PPFIBP2: variants seen among roughly 807,000 people sequenced by gnomAD.
PPFIBP2 encodes the protein liprin-beta-2.
A neutral mutation model predicts 118.3 loss-of-function variants in PPFIBP2; 118 were observed. The observed-to-expected ratio is 1.00, with a 90% CI of 0.86 to 1.16. The LOEUF (loss-of-function observed/expected upper bound fraction) is 1.16. Among genes scored for constraint, PPFIBP2 ranks in the 50% most tolerant of loss-of-function variants. The probability of loss-of-function intolerance (pLI) is 0.00; values close to 1 mark genes in which losing one functional copy is unlikely to be tolerated. For synonymous variants in PPFIBP2, 414 were observed against 397.4 expected (o/e 1.04, Z -0.50); for missense variants, 1,195 against 1,073.1 (o/e 1.11, Z -1.59).
chr11:7,586,183 T>A (rs1005421237), intron 3 of PPFIBP2, among the ~76,000 whole-genome samples: 23 of 152,164 alleles, frequency 1.5e-4, no homozygotes, highest in African/African-American at 5.1e-4. Flanking sequence ...CCTGAAAGTA[T>A]TTTGGTTATT....
chr11:7,564,937 C>T (rs1854784454), intron 2 of PPFIBP2, among the ~76,000 whole-genome samples: 1 of 152,184 alleles, frequency 6.6e-6, no homozygotes, highest in Admixed American at 6.5e-5. Flanking sequence ...CAAGATCCAT[C>T]CCTTTATCAG....
intron 7 of PPFIBP2, 73 bp from the exon 8 acceptor site, chr11:7,625,704 C>T (rs1367138756): frequency 2.4e-6 from 3 of 1,258,750 alleles, no homozygotes; most frequent in African/African-American, 1.5e-5. Context: ...GGGGTCTGGA[C>T]TCTGACGGGA....
chr11:7,592,958 G>T (rs1859609917), intron 3 of PPFIBP2, among the ~76,000 whole-genome samples, 174 bp from the exon 4 acceptor site: 1 of 152,180 alleles, frequency 6.6e-6, no homozygotes, highest in Admixed American at 6.5e-5. Flanking sequence ...ATGTGATCTG[G>T]TTCTCCTCAT....
intron 3 of PPFIBP2, chr11:7,571,967 C>T (rs1855701916): frequency 6.6e-6 from 1 of 152,168 alleles, no homozygotes. Flanking sequence ...AACATAAGCA[C>T]CTCTCATTAT....
At chr11:7,641,682 G>A in intron 16 of PPFIBP2, 62 bp downstream of exon 16, 1 of 1,530,328 alleles carries the variant, frequency 6.5e-7, no homozygotes, top group South Asian at 1.2e-5. Flanking sequence ...ATTGGGCAAA[G>A]AGTCTATGTA....
rs953460862 is a variant in PPFIBP2 at position 7,605,855 on chromosome 11, C to T, written c.487-4436C>T. 100 of 1,444,824 alleles carry T rather than the reference C, an allele frequency of 6.9e-5. No individual in the cohort carries two copies. In the African/African-American group the frequency reaches 9.5e-4, roughly 14 times the overall value. 89.5% of individuals were successfully genotyped at this position (1,444,824 alleles called of 1,614,324 possible). On this transcript the variant is annotated intron_variant, in intron 5 of 23. Transcript: ENST00000299492. The stretch of plus-strand genomic sequence containing the variant: ...GCAAAGCAAACACATTCTGGATACA[C>T]GTGAGATCCAAGTGGTGACTGTGCT...
At chr11:7,550,388 G>C (rs1852837548) in intron 2 of PPFIBP2, among the ~76,000 whole-genome samples, 1 of 152,196 alleles carries the variant, frequency 6.6e-6, no homozygotes, top group Non-Finnish European at 1.5e-5. Context: ...CAGAGTACCT[G>C]ACACTGCCCT....
intron 2 of PPFIBP2, among the ~76,000 whole-genome samples, chr11:7,554,426 TAA>T (rs1056665495): frequency 3.3e-5 from 5 of 152,264 alleles, no homozygotes; most frequent in African/African-American, 9.6e-5. Context: ...AAACTCCTTC[TAA>T]AAAGAGTGCA....
intron 10 of PPFIBP2, among the ~76,000 whole-genome samples, chr11:7,629,754 T>C (rs778927295): frequency 1.4e-4 from 21 of 152,214 alleles, no homozygotes; most frequent in Non-Finnish European, 2.4e-4. Flanking sequence ...CTTCAGGGAC[T>C]ATCCAGATCA....
At chr11:7,563,971 C>T (rs1315843259) in intron 2 of PPFIBP2, among the ~76,000 whole-genome samples, 1 of 152,092 alleles carries the variant, frequency 6.6e-6, no homozygotes, top group East Asian at 1.9e-4. Flanking sequence ...TGAGACCATC[C>T]TGGCTAACAC....
Position 7,649,133 on chromosome 11 carries a change from T to C in PPFIBP2, c.1910-14T>C. The C allele has an allele frequency of 1.2e-6, 2 of 1,611,036 alleles. No homozygotes were observed. Among genetic ancestry groups the C allele is most frequent in the South Asian group, 2.2e-5 (2 of 90,488 alleles). On this transcript the variant is annotated splice_polypyrimidine_tract_variant and intron_variant, in intron 19 of 23. Transcript: ENST00000299492. ...TCATGAATCCTGACACATCTGGGGTTTTTGTATTTGTAGGGTGGCTTGATG... is the reference window on the plus strand; with the variant it reads ...TCATGAATCCTGACACATCTGGGGTCTTTGTATTTGTAGGGTGGCTTGATG...
chr11:7,637,545 C>T (rs143071689), intron 14 of PPFIBP2, among the ~76,000 whole-genome samples: 37 of 152,346 alleles, frequency 2.4e-4, no homozygotes, highest in African/African-American at 3.6e-4. Flanking sequence ...GCCCTTTCCA[C>T]TCTGGCATGC....
Position 7,589,400 on chromosome 11 carries a change from T to C in PPFIBP2, c.280-3732T>C, listed in dbSNP as rs538255830. Reference sequence around the variant, plus strand: ...CAAGGTCAAGAGATTGAGACTATCCTGGCCAACGTGGTGAAACCCCATCTC... The same window carrying C: ...CAAGGTCAAGAGATTGAGACTATCCCGGCCAACGTGGTGAAACCCCATCTC... On this transcript the variant is annotated intron_variant, in intron 3 of 23. Coordinates refer to ENST00000299492, the MANE Select transcript of PPFIBP2 (RefSeq NM_003621.5). Among the ~76,000 whole-genome samples the C allele has an allele frequency of 3.9e-5, 6 of 152,262 alleles. No homozygotes were observed. The East Asian group carries it at 9.6e-4, about 24-fold the overall frequency.
chr11:7,660,363 T>G (rs1251526547), downstream of PPFIBP2, among the ~76,000 whole-genome samples: 2 of 109,370 alleles, frequency 1.8e-5, no homozygotes, highest in African/African-American at 5.5e-5. Flanking sequence ...CATGAAGGGT[T>G]GTTGAATTTT....
At chr11:7,648,606 A>G in intron 18 of PPFIBP2, 69 bp downstream of exon 18, 1 of 1,582,288 alleles carries the variant, frequency 6.3e-7, no homozygotes, top group Non-Finnish European at 8.7e-7. Context: ...AGGGTCCGCC[A>G]CTCCTGTCAC....
intron 6 of PPFIBP2, 79 bp downstream of exon 6, chr11:7,610,501 C>T: frequency 1.3e-6 from 2 of 1,566,306 alleles, no homozygotes; most frequent in Non-Finnish European, 1.7e-6. Context: ...CTGGTCAACT[C>T]CCAGCCTGGA....
rs138748699 is a variant in PPFIBP2, at chr11:7,619,534, C to T, written c.619-1401C>T. Among the ~76,000 whole-genome samples the T allele has an allele frequency of 4.1e-3, 629 of 152,172 alleles. 3 individuals are homozygous for T. Among genetic ancestry groups the T allele is most frequent in the African/African-American group, 0.014 (588 of 41,518 alleles). On this transcript the variant is annotated intron_variant, in intron 6 of 23. Transcript: ENST00000299492. ...GATGTATGGTTTGATCATATCACTCCCCCAGATGCCATGGGGTCAGTTGCT... is the reference window on the plus strand; with the variant it reads ...GATGTATGGTTTGATCATATCACTCTCCCAGATGCCATGGGGTCAGTTGCT...
chr11:7,579,685 A>C (rs1856971284), intron 3 of PPFIBP2, among the ~76,000 whole-genome samples: 1 of 152,216 alleles, frequency 6.6e-6, no homozygotes, highest in African/African-American at 2.4e-5. Flanking sequence ...ATGCAATGTA[A>C]GAAGGCCCTT....
At chr11:7,560,428 A>G (rs1448178600) in intron 2 of PPFIBP2, among the ~76,000 whole-genome samples, 7 of 152,240 alleles carry the variant, frequency 4.6e-5, no homozygotes, top group Admixed American at 2.0e-4. Context: ...CCATATACAT[A>G]TAATTGTTTT....
Sources: allele counts gnomAD v4.1 joint callset (sites outside exome capture counted in the v4.1 genomes callset), GRCh38; gene constraint gnomAD v4.1.1; transcripts MANE v1.5; gene names NCBI Gene and HGNC (gene_info 2026-07-23, HGNC 2026-07-21).